Variants in CSMD2 observed in about 807,000 individuals in gnomAD.
The protein encoded by CSMD2 is CUB and sushi domain-containing protein 2.
CSMD2 carries 130 observed loss-of-function variants against 398.5 expected under a neutral mutation model. The ratio of observed to expected loss-of-function variants is 0.33; its 90% CI spans 0.28 to 0.38. CSMD2 has a LOEUF of 0.38. Among genes scored for constraint, CSMD2 ranks in the 10% least tolerant of loss-of-function variants. The pLI, the probability that CSMD2 is intolerant of heterozygous loss-of-function variation, is 1.00. For missense variants in CSMD2, 3,829 were observed against 4,764.9 expected (o/e 0.80, Z 5.78); for synonymous variants, 1,828 against 1,908.5 (o/e 0.96, Z 1.10).
At chr1:33,840,249 A>ATCAC (rs1660716968) in intron 6 of CSMD2, 1 of 152,194 alleles carries the variant, frequency 6.6e-6, no homozygotes, top group East Asian at 1.9e-4. Flanking sequence ...TGTTTAAGAA[A>ATCAC]TCACTCTAGC....
chr1:34,082,053 T>C (rs1237373695), intron 2 of CSMD2, among the ~76,000 whole-genome samples: 85 of 89,658 alleles, frequency 9.5e-4, no homozygotes, highest in South Asian at 1.5e-3. Flanking sequence ...CCGGCCGTCA[T>C]CCCGTCTAGG....
chr1:34,012,689 T>C (rs1647528120), intron 3 of CSMD2, among the ~76,000 whole-genome samples: 1 of 152,208 alleles, frequency 6.6e-6, no homozygotes, highest in Admixed American at 6.5e-5. Context: ...GTAAGCTCCA[T>C]AAGGACAGAG....
chr1:33,557,694 C>G (rs1431616660), intron 55 of CSMD2, 40 bp downstream of exon 55: 8 of 1,518,904 alleles, frequency 5.3e-6, no homozygotes, highest in Non-Finnish European at 7.1e-6. Context: ...TTGACACGGG[C>G]CACCCCATCA....
chr1:34,092,167 A>T (rs966257875), intron 1 of CSMD2, among the ~76,000 whole-genome samples: 1 of 152,214 alleles, frequency 6.6e-6, no homozygotes, highest in Non-Finnish European at 1.5e-5. Flanking sequence ...AGAAGTGTGC[A>T]GGCACGATAT....
intron 3 of CSMD2, among the ~76,000 whole-genome samples, chr1:33,960,560 G>A (rs895406499): frequency 6.6e-5 from 10 of 152,196 alleles, no homozygotes; most frequent in African/African-American, 2.4e-4. Context: ...TGGTGTTGTG[G>A]GGGAGACAGA....
chr1:33,900,641 T>C (rs1238010864), intron 5 of CSMD2, among the ~76,000 whole-genome samples: 1 of 152,074 alleles, frequency 6.6e-6, no homozygotes, highest in East Asian at 1.9e-4. Context: ...TAGCCAGGTG[T>C]GGTGGCAGGC....
intron 3 of CSMD2, among the ~76,000 whole-genome samples, chr1:33,971,079 A>G (rs1645744755): frequency 6.6e-6 from 1 of 152,106 alleles, no homozygotes; most frequent in African/African-American, 2.4e-5. Flanking sequence ...AACCATTATC[A>G]TTATCATTAT....
chr1:33,604,593 G>A (rs1389244444), intron 42 of CSMD2, among the ~76,000 whole-genome samples: 1 of 152,208 alleles, frequency 6.6e-6, no homozygotes, highest in Non-Finnish European at 1.5e-5. Context: ...CCCTTGCTAA[G>A]GCTTCCTTTT....
intron 1 of CSMD2, among the ~76,000 whole-genome samples, chr1:34,145,279 C>T (rs974320828): frequency 2.0e-5 from 3 of 152,186 alleles, no homozygotes; most frequent in African/African-American, 7.2e-5. Flanking sequence ...ACTCAGACCA[C>T]ATATGGGGGA....
At position 33,574,050 on chromosome 1, in the gene CSMD2, C is replaced by T. The variant is rs1659843420; in HGVS notation, c.7577-1359G>A. Among the ~76,000 whole-genome samples, 3 of 152,256 alleles carry T rather than the reference C, an allele frequency of 2.0e-5. No homozygotes were observed. In the South Asian group the frequency reaches 6.2e-4, roughly 32 times the overall value. On this transcript the variant is annotated intron_variant, in intron 49 of 70. Coordinates refer to ENST00000373381, the MANE Select transcript of CSMD2 (RefSeq NM_001281956.2). Reference sequence around the variant, plus strand: ...AAATGATTTATAAACTAGAATTTTACCCAGTCAACTGACCAAACATGTGTG... The same window carrying T: ...AAATGATTTATAAACTAGAATTTTATCCAGTCAACTGACCAAACATGTGTG...
At chr1:34,142,454 TG>T (rs1406997945) in intron 1 of CSMD2, among the ~76,000 whole-genome samples, 1 of 152,160 alleles carries the variant, frequency 6.6e-6, no homozygotes, top group Non-Finnish European at 1.5e-5. Flanking sequence ...CCAGCGGAAT[TG>T]GCCTTTGCAA....
chr1:33,963,323 C>T (rs79114203), intron 3 of CSMD2, among the ~76,000 whole-genome samples: 5,178 of 152,278 alleles, frequency 0.034, 151 homozygotes, highest in Non-Finnish European at 0.049. Context: ...CCAAAGATTC[C>T]GATTTATTTG....
intron 1 of CSMD2, among the ~76,000 whole-genome samples, chr1:34,124,010 A>C (rs1382191700): frequency 6.6e-6 from 1 of 152,170 alleles, no homozygotes. Context: ...GCAGGCTTGG[A>C]TTCTGCTGTT....
At chr1:33,944,494 C>T (rs970224369) in intron 3 of CSMD2, among the ~76,000 whole-genome samples, 3 of 152,150 alleles carry the variant, frequency 2.0e-5, no homozygotes, top group Admixed American at 2.0e-4. Flanking sequence ...ATAGCCTCCA[C>T]CCTTCCCCAT....
At chr1:34,092,724 G>C (rs547017241) in intron 1 of CSMD2, among the ~76,000 whole-genome samples, 208 of 152,338 alleles carry the variant, frequency 1.4e-3, no homozygotes, top group African/African-American at 4.8e-3. Flanking sequence ...GGCGCACCAC[G>C]AGATTATATC....
chr1:33,634,438 CT>C (rs1273205868), intron 31 of CSMD2, among the ~76,000 whole-genome samples: 2 of 152,220 alleles, frequency 1.3e-5, no homozygotes, highest in African/African-American at 2.4e-5. Flanking sequence ...TGCTCCTCCC[CT>C]GGGTGGTCGG....
Position 34,077,662 on chromosome 1 carries a change from G to A in CSMD2, c.404+11315C>T, listed in dbSNP as rs183880400. 9.8e-3 allele frequency among the ~76,000 whole-genome samples: 1,450 copies of A among 148,066 alleles called. 22 individuals carry two copies. The highest frequency in any genetic ancestry group is 0.033 in the African/African-American group (1,310 of 40,056). ...TGAGGCAAGAGAATGGTGTGAACCC[G>A]GGAGGCGGAGCTTGCAGTGAGCTGA... On this transcript the variant is annotated intron_variant, in intron 2 of 70. Coordinates refer to ENST00000373381, the MANE Select transcript of CSMD2 (RefSeq NM_001281956.2).
chr1:33,783,868 T>G (rs1653158946), intron 12 of CSMD2, among the ~76,000 whole-genome samples: 1 of 152,178 alleles, frequency 6.6e-6, no homozygotes, highest in Non-Finnish European at 1.5e-5. Context: ...TTTGTTTTTG[T>G]CCCTTCCGCC....
intron 2 of CSMD2, among the ~76,000 whole-genome samples, chr1:34,070,733 C>G (rs978325401): frequency 6.9e-6 from 1 of 145,844 alleles, no homozygotes; most frequent in Non-Finnish European, 1.5e-5. Context: ...TTGAAAATAT[C>G]CACTACTGCA....
Sources: allele counts gnomAD v4.1 joint callset (sites outside exome capture counted in the v4.1 genomes callset), GRCh38; gene constraint gnomAD v4.1.1; transcripts MANE v1.5; gene names NCBI Gene and HGNC (gene_info 2026-07-23, HGNC 2026-07-21).